Variants in ASTN2 observed in about 807,000 individuals in gnomAD.
ASTN2 encodes the protein astrotactin-2.
Under a neutral mutation model 139.8 loss-of-function variants are expected in ASTN2, and 54 were observed. The observed-to-expected ratio is 0.39, with a 90% CI of 0.31 to 0.48. The LOEUF is 0.48. Ranked by LOEUF, ASTN2 falls within the 20% of genes least tolerant of loss-of-function variation. ASTN2 has a pLI of 0.95. For missense variants in ASTN2, 1,565 were observed against 1,725.1 expected (o/e 0.91, Z 1.64); for synonymous variants, 756 against 719.5 (o/e 1.05, Z -0.81).
chr9:116,669,479 C>T (rs1045457152), intron 16 of ASTN2, among the ~76,000 whole-genome samples: 2 of 152,222 alleles, frequency 1.3e-5, no homozygotes, highest in Non-Finnish European at 2.9e-5. Flanking sequence ...TTCCTACCAG[C>T]AATGAACAAG....
At position 116,698,463 on chromosome 9, in the gene ASTN2, T is replaced by C; in HGVS notation, c.2806+27308A>G. The C allele has an allele frequency of 6.2e-7, 1 of 1,613,974 alleles. No homozygotes were observed. The highest frequency in any genetic ancestry group is 1.7e-4 in the Middle Eastern group (1 of 5,986). On this transcript the variant is annotated intron_variant, in intron 16 of 22. Transcript: ENST00000313400. This position sits in a 1 kb window ranked among gnomAD's most constrained non-coding sequence, Gnocchi z 4.4. ...GGTGCAGGCTGTGTCTCGCTGTGAC[T>C]ACTTCCTGGCCAAGATCAAGCAGGC... is the stretch of plus-strand genomic sequence containing the variant.
intron 2 of ASTN2, among the ~76,000 whole-genome samples, chr9:117,215,472 T>TATATATATAAA (rs1554792029): frequency 6.9e-6 from 1 of 145,070 alleles, no homozygotes. Flanking sequence ...TCAACTGATA[T>TATATATATAAA]ATATATATAT....
At chr9:116,768,282 T>G (rs1411164603) in intron 13 of ASTN2, among the ~76,000 whole-genome samples, 1 of 150,556 alleles carries the variant, frequency 6.6e-6, no homozygotes, top group African/African-American at 2.4e-5. Context: ...CCGTGGTTAT[T>G]GATGACCTCC....
At chr9:117,304,646 C>T (rs1304354842) in intron 1 of ASTN2, among the ~76,000 whole-genome samples, 1 of 152,180 alleles carries the variant, frequency 6.6e-6, no homozygotes, top group African/African-American at 2.4e-5. Flanking sequence ...CCTCTATATT[C>T]CTTAAATAAG....
At chr9:117,165,410 T>A (rs375292229) in intron 3 of ASTN2, among the ~76,000 whole-genome samples, 1 of 152,176 alleles carries the variant, frequency 6.6e-6, no homozygotes. Flanking sequence ...GATTCTGAGT[T>A]CAAGGGCTGG....
intron 7 of ASTN2, among the ~76,000 whole-genome samples, chr9:116,989,672 C>T (rs898333348): frequency 1.3e-5 from 2 of 151,754 alleles, no homozygotes; most frequent in African/African-American, 4.8e-5. Flanking sequence ...CAACCTCCAC[C>T]TCCTGGGTTC....
chr9:117,332,292 TG>T (rs142662551), intron 1 of ASTN2, among the ~76,000 whole-genome samples: 1 of 152,154 alleles, frequency 6.6e-6, no homozygotes, highest in African/African-American at 2.4e-5. Context: ...CAGGATTGGC[TG>T]GGTGTGGTGG....
intron 17 of ASTN2, among the ~76,000 whole-genome samples, chr9:116,627,208 T>C (rs934268864): frequency 6.6e-6 from 1 of 152,148 alleles, no homozygotes; most frequent in Non-Finnish European, 1.5e-5. Flanking sequence ...GGAAGGCAAG[T>C]GAGATGAGTC....
intron 19 of ASTN2, among the ~76,000 whole-genome samples, chr9:116,587,484 T>A (rs555173890): frequency 3.3e-5 from 5 of 152,234 alleles, no homozygotes; most frequent in African/African-American, 1.2e-4. Context: ...CTATGGTCAC[T>A]TCTGCTGGTA....
chr9:116,441,803 A>G (rs927502930), intron 21 of ASTN2, among the ~76,000 whole-genome samples: 1 of 151,790 alleles, frequency 6.6e-6, no homozygotes, highest in Non-Finnish European at 1.5e-5. Context: ...TGATGTAGAA[A>G]CTGCATCTAC....
At chr9:116,737,322 G>A (rs891032660) in intron 13 of ASTN2, among the ~76,000 whole-genome samples, 6 of 152,152 alleles carry the variant, frequency 3.9e-5, no homozygotes, top group African/African-American at 1.4e-4. Flanking sequence ...GTTCCGCTGG[G>A]CTGAGAACCT....
At chr9:116,960,485 T>C (rs954464525) in intron 10 of ASTN2, among the ~76,000 whole-genome samples, 35 of 150,650 alleles carry the variant, frequency 2.3e-4, no homozygotes, top group African/African-American at 6.7e-4. Flanking sequence ...TTTTTTTTTT[T>C]TCATCCATTC....
Position 116,542,950 on chromosome 9 carries a change from T to C in ASTN2, c.3356-55450A>G, listed in dbSNP as rs1039111996. On this transcript the variant is annotated intron_variant, in intron 19 of 22. Coordinates refer to ENST00000313400, the MANE Select transcript of ASTN2 (RefSeq NM_001365068.1). ...AACAAAACAAAACAAAAGACTATTA[T>C]TTTTGGTATAAGCTTGATGTTCACC... Among the ~76,000 whole-genome samples the C allele has an allele frequency of 5.3e-5, 8 of 151,962 alleles. No individual in the cohort carries two copies. The South Asian group carries it at 1.7e-3, about 32-fold the overall frequency.
At chr9:117,128,830 G>C (rs950073549) in intron 4 of ASTN2, among the ~76,000 whole-genome samples, 14 of 152,202 alleles carry the variant, frequency 9.2e-5, no homozygotes, top group Non-Finnish European at 1.6e-4. Flanking sequence ...GCAAGGAGGA[G>C]CAAGTCCCAT....
rs142443472 is a variant in ASTN2, at chr9:117,014,087, T to C, written c.1424-5828A>G. ...AGATTCCCTCCCTTCTGTTACATCA[T>C]GAATACCACGGGTCCTAGCTGTCTT... On this transcript the variant is annotated intron_variant, in intron 6 of 22. Transcript: ENST00000313400. 2.3e-3 allele frequency among the ~76,000 whole-genome samples: 347 copies of C among 152,244 alleles called. 1 individual carries two copies. The highest frequency in any genetic ancestry group is 7.8e-3 in the African/African-American group (325 of 41,552).
intron 2 of ASTN2, among the ~76,000 whole-genome samples, chr9:117,251,984 A>C (rs561985926): frequency 4.6e-5 from 7 of 152,200 alleles, no homozygotes; most frequent in Non-Finnish European, 1.0e-4. Flanking sequence ...TCTAAATATT[A>C]TGCCCAAAAG....
intron 6 of ASTN2, among the ~76,000 whole-genome samples, chr9:117,027,081 C>T (rs1838109873): frequency 1.3e-5 from 2 of 152,140 alleles, no homozygotes; most frequent in Non-Finnish European, 2.9e-5. Flanking sequence ...GACCATTTAA[C>T]AAGGAGACTC....
At chr9:117,035,897 G>A (rs1220101593) in intron 6 of ASTN2, among the ~76,000 whole-genome samples, 1 of 152,166 alleles carries the variant, frequency 6.6e-6, no homozygotes, top group Non-Finnish European at 1.5e-5. Context: ...TCACCTCACT[G>A]AGAGTAGCTA....
chr9:117,322,514 A>G (rs1490201044), intron 1 of ASTN2, among the ~76,000 whole-genome samples: 3 of 152,196 alleles, frequency 2.0e-5, no homozygotes, highest in South Asian at 2.1e-4. Context: ...AACATCACAC[A>G]GGCAGCAAAT....
Sources: allele counts gnomAD v4.1 joint callset (sites outside exome capture counted in the v4.1 genomes callset), GRCh38; gene constraint gnomAD v4.1.1; non-coding constraint Gnocchi (gnomAD v3.1); transcripts MANE v1.5; gene names NCBI Gene and HGNC (gene_info 2026-07-23, HGNC 2026-07-21).